Variants in KIF13B observed in about 807,000 individuals in gnomAD.
KIF13B encodes the protein kinesin family member 13B.
A neutral mutation model predicts 222.0 loss-of-function variants in KIF13B; 127 were observed. The ratio of observed to expected loss-of-function variants is 0.57; its 90% confidence interval spans 0.50 to 0.66. The LOEUF is 0.66. Among genes scored for constraint, KIF13B ranks in the 30% least tolerant of loss-of-function variants. The pLI, the probability that KIF13B is intolerant of heterozygous loss-of-function variation, is 0.00. For synonymous variants in KIF13B, 976 were observed against 919.0 expected, an observed-to-expected ratio of 1.06 and a Z score of -1.12; for missense variants, 2,173 against 2,379.0, an observed-to-expected ratio of 0.91 and a Z score of 1.80.
intron 1 of KIF13B, 45 bp downstream of exon 1, chr8:29,262,935 A>T: frequency 6.7e-7 from 1 of 1,484,658 alleles, no homozygotes; most frequent in Non-Finnish European, 9.0e-7. Flanking sequence ...CGCGCCAGGC[A>T]CCTGCCGCCT....
chr8:29,070,627 G>T lies in KIF13B; in HGVS notation c.5358C>A (p.Pro1786=), dbSNP rs557308039. 142 of 1,574,408 alleles carry T rather than the reference G, an allele frequency of 9.0e-5. No individual in the cohort carries two copies. The highest frequency in any genetic ancestry group is 1.7e-6 in the Non-Finnish European group (2 of 1,159,824). The change falls in exon 40 of 40, where the codon CCC becomes CCA. Residue 1786 remains proline (P), a synonymous_variant. Transcript: ENST00000524189. This position sits in a 1 kb window ranked among gnomAD's most constrained non-coding sequence, Gnocchi z 4.1. ...RRSTGLRLGA[P]EARRSATLSG... is the part of the protein sequence containing the mutation. The stretch of plus-strand genomic sequence containing the variant: ...AGAGGGTGGCGCTCCGGCGGGCCTC[G>T]GGGGCACCCAGCCGGAGTCCTGTGC...
chr8:29,096,965 C>T (rs893189265), intron 36 of KIF13B, among the ~76,000 whole-genome samples: 10 of 151,618 alleles, frequency 6.6e-5, no homozygotes, highest in Non-Finnish European at 1.2e-4. Flanking sequence ...TATGGCGGAC[C>T]AGAATGGGAG....
At chr8:29,201,321 A>G (rs1813682135) in intron 2 of KIF13B, among the ~76,000 whole-genome samples, 1 of 152,204 alleles carries the variant, frequency 6.6e-6, no homozygotes, top group Non-Finnish European at 1.5e-5. Context: ...CTTTTTACTG[A>G]TCTGGCTTGT....
intron 13 of KIF13B, among the ~76,000 whole-genome samples, chr8:29,158,189 A>T (rs1292963061): frequency 1.3e-5 from 2 of 152,212 alleles, no homozygotes; most frequent in Non-Finnish European, 2.9e-5. Context: ...GGAAAAAGCC[A>T]CTGTCATCCT....
chr8:29,161,743 G>A (rs915884819), intron 12 of KIF13B, among the ~76,000 whole-genome samples: 1 of 143,586 alleles, frequency 7.0e-6, no homozygotes, highest in Non-Finnish European at 1.5e-5. Context: ...CAAAACAAAC[G>A]TTCTCTGTGT....
chr8:29,151,165 C>G (rs1325327589), intron 14 of KIF13B, among the ~76,000 whole-genome samples: 1 of 152,158 alleles, frequency 6.6e-6, no homozygotes, highest in African/African-American at 2.4e-5. Flanking sequence ...TCAACCCAGC[C>G]ACAATATTCC....
At chr8:29,262,554 G>A (rs1235884390) in intron 1 of KIF13B, among the ~76,000 whole-genome samples, 1 of 151,690 alleles carries the variant, frequency 6.6e-6, no homozygotes, top group African/African-American at 2.4e-5. Context: ...GGGCGGTCCC[G>A]AGGCGGGCTG....
chr8:29,156,512 T>C (rs1563747750), intron 13 of KIF13B, among the ~76,000 whole-genome samples: 4 of 151,800 alleles, frequency 2.6e-5, no homozygotes. Context: ...TCACTTATTT[T>C]TTATTTATTT....
At chr8:29,117,070 A>G in intron 30 of KIF13B, 63 bp from the exon 31 acceptor site, 3 of 1,452,546 alleles carry the variant, frequency 2.1e-6, no homozygotes, top group Non-Finnish European at 2.8e-6. Flanking sequence ...AACTCTTTCA[A>G]GGAAACCACC....
At chr8:29,219,800 C>G (rs953573222) in intron 2 of KIF13B, among the ~76,000 whole-genome samples, 1 of 151,730 alleles carries the variant, frequency 6.6e-6, no homozygotes, top group Non-Finnish European at 1.5e-5. Flanking sequence ...CGGTGGCTCA[C>G]GCCTGTAATC....
chr8:29,187,407 T>C (rs902058381), intron 5 of KIF13B, among the ~76,000 whole-genome samples: 1 of 152,114 alleles, frequency 6.6e-6, no homozygotes, highest in African/African-American at 2.4e-5. Context: ...GGCAGGCACC[T>C]GTAGTGCCAG....
intron 37 of KIF13B, among the ~76,000 whole-genome samples, chr8:29,085,053 C>T (rs546215951): frequency 1.4e-4 from 21 of 152,180 alleles, no homozygotes; most frequent in South Asian, 8.3e-4. Context: ...GTAAATTATA[C>T]GAATATCTTT....
intron 2 of KIF13B, among the ~76,000 whole-genome samples, chr8:29,230,133 C>G (rs118035667): frequency 6.6e-6 from 1 of 152,234 alleles, no homozygotes; most frequent in East Asian, 1.9e-4. Context: ...ACAGTGTTAT[C>G]ACCTCCACTT....
intron 32 of KIF13B, among the ~76,000 whole-genome samples, chr8:29,112,016 T>C (rs1455443119): frequency 6.6e-6 from 1 of 152,240 alleles, no homozygotes; most frequent in African/African-American, 2.4e-5. Context: ...AGATGGTTAA[T>C]ATTTACTATG....
chr8:29,070,096 G>C lies in KIF13B; in HGVS notation c.*408C>G, dbSNP rs1041006669. ...GGTGGGGGGGCTTGCCCTCCAGTGGGGAGGAAAGGCACTGGTTACAATTAT... is the reference window on the plus strand; with the variant it reads ...GGTGGGGGGGCTTGCCCTCCAGTGGCGAGGAAAGGCACTGGTTACAATTAT... On this transcript the variant is annotated 3_prime_UTR_variant, in exon 40 of 40. Transcript: ENST00000524189. The surrounding 1 kb of genome is among the most constrained non-coding windows in gnomAD (Gnocchi z 4.1). 18 of 185,810 alleles carry C rather than the reference G, an allele frequency of 9.7e-5. No individual in the cohort carries two copies. The highest frequency in any genetic ancestry group is 1.4e-4 in the Non-Finnish European group (13 of 90,032). The allele number at this position is 185,810 out of a possible 1,614,324, so 11.5% of individuals were successfully genotyped here. A position where few individuals can be genotyped will look rare whatever the true frequency, so the allele number is the denominator to read the frequency against.
intron 2 of KIF13B, among the ~76,000 whole-genome samples, chr8:29,234,922 T>C (rs1358479326): frequency 6.6e-6 from 1 of 152,068 alleles, no homozygotes; most frequent in Non-Finnish European, 1.5e-5. Context: ...AGAAACACAA[T>C]GAATCTGAAT....
intron 1 of KIF13B, among the ~76,000 whole-genome samples, chr8:29,246,229 C>G (rs1041824159): frequency 2.0e-5 from 3 of 151,880 alleles, no homozygotes; most frequent in Admixed American, 2.0e-4. Context: ...ATACAAAAAT[C>G]AGCCAGACAT....
chr8:29,240,847 C>T (rs1456423794), intron 2 of KIF13B, among the ~76,000 whole-genome samples: 7 of 152,182 alleles, frequency 4.6e-5, no homozygotes, highest in East Asian at 1.9e-4. Context: ...GGAACTCTCA[C>T]GCATTGCTGG....
At chr8:29,187,070 G>C (rs1377140449) in intron 5 of KIF13B, among the ~76,000 whole-genome samples, 1 of 151,636 alleles carries the variant, frequency 6.6e-6, no homozygotes, top group Non-Finnish European at 1.5e-5. Flanking sequence ...AAAGTTTTCC[G>C]AAATAAGCTG....
Sources: allele counts gnomAD v4.1 joint callset (sites outside exome capture counted in the v4.1 genomes callset), GRCh38; gene constraint gnomAD v4.1.1; non-coding constraint Gnocchi (gnomAD v3.1); transcripts MANE v1.5; gene names NCBI Gene and HGNC (gene_info 2026-07-23, HGNC 2026-07-21).